AIF1L: variants seen among roughly 807,000 people sequenced by gnomAD.
The protein encoded by AIF1L is allograft inflammatory factor 1-like.
A neutral mutation model predicts 20.7 loss-of-function variants in AIF1L; 12 were observed. The observed-to-expected ratio is 0.58, with a 90% CI of 0.37 to 0.94. The LOEUF is 0.94. Ranked by LOEUF, AIF1L falls within the 40% of genes least tolerant of loss-of-function variation. AIF1L has a pLI of 0.01. For synonymous variants in AIF1L, 76 were observed against 65.1 expected (o/e 1.17, Z -0.81); for missense variants, 173 against 185.3 (o/e 0.93, Z 0.39).
At chr9:131,118,896 A>T (rs908849154) in intron 5 of AIF1L, among the ~76,000 whole-genome samples, 1 of 152,206 alleles carries the variant, frequency 6.6e-6, no homozygotes, top group African/African-American at 2.4e-5. Context: ...GCTTGTAAGC[A>T]TAAAATAGAG....
At chr9:131,111,482 G>A in intron 2 of AIF1L, 115 bp from the exon 3 acceptor site, 1 of 888,630 alleles carries the variant, frequency 1.1e-6, no homozygotes, top group African/African-American at 1.7e-5. Context: ...GGGACAAACT[G>A]GGTCTGGTCG....
intron 5 of AIF1L, among the ~76,000 whole-genome samples, chr9:131,119,174 C>T (rs1406708510): frequency 6.6e-6 from 1 of 151,766 alleles, no homozygotes; most frequent in Non-Finnish European, 1.5e-5. Flanking sequence ...CAGCATTGCC[C>T]CAGGGCAGTC....
In AIF1L at chr9:131,116,418, C is replaced by T. The variant is rs148686113; in HGVS notation, c.203-1338C>T. The stretch of plus-strand genomic sequence containing the variant: ...AGCTGAGATTACAGGCACGCACCAC[C>T]ACGCCCGGCTAATTTTCGTATTTTT... On this transcript the variant is annotated intron_variant, in intron 4 of 5. Coordinates refer to ENST00000247291, the MANE Select transcript of AIF1L (RefSeq NM_031426.4). Among the ~76,000 whole-genome samples the T allele has an allele frequency of 8.8e-3, 1,342 of 152,232 alleles. 16 individuals carry two copies. Among genetic ancestry groups the T allele is most frequent in the African/African-American group, 0.03 (1,257 of 41,510 alleles).
intron 2 of AIF1L, among the ~76,000 whole-genome samples, chr9:131,100,239 A>G (rs1830607902): frequency 6.6e-6 from 1 of 152,184 alleles, no homozygotes; most frequent in Admixed American, 6.5e-5. Context: ...ATTCAAGAGT[A>G]AAAATAGGAG....
chr9:131,101,373 G>A (rs989062203), intron 2 of AIF1L, among the ~76,000 whole-genome samples: 1 of 152,040 alleles, frequency 6.6e-6, no homozygotes, highest in Non-Finnish European at 1.5e-5. Context: ...TTGAGACAGG[G>A]TCTCACTGGG....
At chr9:131,106,864 G>A (rs2133385122) in intron 2 of AIF1L, among the ~76,000 whole-genome samples, 1 of 152,318 alleles carries the variant, frequency 6.6e-6, no homozygotes, top group African/African-American at 2.4e-5. Context: ...GGGAGGCCGA[G>A]GCAGTCGGAT....
rs1831145898 is a variant in AIF1L at position 131,121,889 on chromosome 9, C to T, written c.*1567C>T. 1 of 152,234 alleles carries T rather than the reference C, an allele frequency of 6.6e-6. No individual in the cohort carries two copies. The highest frequency in any genetic ancestry group is 2.1e-4 in the South Asian group (1 of 4,832). The allele number at this position is 152,234 out of a possible 1,614,324, so 9.4% of individuals were successfully genotyped here. On this transcript the variant is annotated 3_prime_UTR_variant, in exon 6 of 6. Coordinates refer to ENST00000247291, the MANE Select transcript of AIF1L (RefSeq NM_031426.4). ...GCTGATCAGGGTGTTCAGCCTTAAC[C>T]CCACCTGTGTTCTGAAGTCTCTTAC... is the stretch of plus-strand genomic sequence containing the variant.
chr9:131,106,207 C>T (rs1208257699), intron 2 of AIF1L: 9 of 1,535,660 alleles, frequency 5.9e-6, no homozygotes, highest in Admixed American at 2.0e-5. Context: ...GGGAGGGAGC[C>T]GCAGCTACAG....
intron 2 of AIF1L, among the ~76,000 whole-genome samples, chr9:131,103,582 T>C (rs1348445966): frequency 6.6e-6 from 1 of 152,224 alleles, no homozygotes; most frequent in Non-Finnish European, 1.5e-5. Context: ...AGGTTGAGGC[T>C]GCAGTGATCC....
chr9:131,102,778 G>C (rs1192483495), intron 2 of AIF1L: 1 of 402,330 alleles, frequency 2.5e-6, no homozygotes, highest in Non-Finnish European at 5.0e-6. Context: ...GCCTGGCCCT[G>C]GCCCTTTAAG....
At chr9:131,110,789 C>T (rs979692247) in intron 2 of AIF1L, among the ~76,000 whole-genome samples, 4 of 151,860 alleles carry the variant, frequency 2.6e-5, no homozygotes, top group South Asian at 2.1e-4. Context: ...AGGCGTGAAC[C>T]GCCGCACCTG....
intron 2 of AIF1L, among the ~76,000 whole-genome samples, chr9:131,110,783 G>A (rs867914803): frequency 6.6e-6 from 1 of 151,906 alleles, no homozygotes; most frequent in Admixed American, 6.6e-5. Context: ...GATTACAGGC[G>A]TGAACCGCCG....
intron 2 of AIF1L, among the ~76,000 whole-genome samples, chr9:131,103,158 C>T (rs1002334552): frequency 3.3e-5 from 5 of 152,126 alleles, no homozygotes; most frequent in African/African-American, 9.7e-5. Flanking sequence ...GGGACTCTGG[C>T]GAGCATCAGA....
At chr9:131,106,765 GGCC>G (rs1376762393) in intron 2 of AIF1L, among the ~76,000 whole-genome samples, 1 of 89,678 alleles carries the variant, frequency 1.1e-5, no homozygotes, top group Non-Finnish European at 2.2e-5. Flanking sequence ...AAATAGGGTC[GGCC>G]GCATTGAGAA....
At chr9:131,116,425 G>T (rs898968037) in intron 4 of AIF1L, among the ~76,000 whole-genome samples, 3 of 152,022 alleles carry the variant, frequency 2.0e-5, no homozygotes, top group Admixed American at 1.3e-4. Flanking sequence ...CACCACGCCC[G>T]GCTAATTTTC....
At position 131,117,746 on chromosome 9, in the gene AIF1L, C is replaced by T. The variant is rs1430910462; in HGVS notation, c.203-10C>T. 1.2e-6 allele frequency: 2 copies of T among 1,600,182 alleles called. No individual in the cohort carries two copies. Among genetic ancestry groups the T allele is most frequent in the East Asian group, 2.2e-5 (1 of 44,652 alleles). ...ATCTCCACTTAACAGATCTGCTTTT[C>T]CCCCGGCAGACCTGATGTCTTTAAA... On this transcript the variant is annotated splice_polypyrimidine_tract_variant and intron_variant, in intron 4 of 5. Coordinates refer to ENST00000247291, the MANE Select transcript of AIF1L (RefSeq NM_031426.4).
rs1240866305 is a variant in AIF1L at position 131,121,367 on chromosome 9, G to A, written c.*1045G>A. 3 of 462,272 alleles carry A rather than the reference G, an allele frequency of 6.5e-6. No individual in the cohort carries two copies. Among genetic ancestry groups the A allele is most frequent in the South Asian group, 7.7e-5 (2 of 26,076 alleles). The allele number at this position is 462,272 out of a possible 1,614,324, so 28.6% of individuals were successfully genotyped here. On this transcript the variant is annotated 3_prime_UTR_variant, in exon 6 of 6. Transcript: ENST00000247291. ...CTCCCATGTTGTCCTGGCATGTGCA[G>A]TATACACGGTCTAACTCATCTCTCC...
rs1831116131 is a variant in AIF1L at position 131,120,635 on chromosome 9, C to T, written c.*313C>T. 1.2e-5 allele frequency: 4 copies of T among 339,034 alleles called. No homozygotes were observed. The highest frequency in any genetic ancestry group is 2.1e-5 in the Non-Finnish European group (4 of 187,378). 21.0% of individuals were successfully genotyped at this position (339,034 alleles called of 1,614,324 possible). On this transcript the variant is annotated 3_prime_UTR_variant, in exon 6 of 6. Coordinates refer to ENST00000247291, the MANE Select transcript of AIF1L (RefSeq NM_031426.4). ...GGAGGCTTCCAGCCTGTGTTCCCCTCACTTGGAGGAACCAGCACTCTCCAT... is the reference window on the plus strand; with the variant it reads ...GGAGGCTTCCAGCCTGTGTTCCCCTTACTTGGAGGAACCAGCACTCTCCAT...
intron 2 of AIF1L, 25 bp downstream of exon 2, chr9:131,096,888 C>T (rs1320297419): frequency 2.0e-6 from 3 of 1,517,228 alleles, no homozygotes. Flanking sequence ...CAGGGCAGCA[C>T]GCGAGTCCCG....
Sources: allele counts gnomAD v4.1 joint callset (sites outside exome capture counted in the v4.1 genomes callset), GRCh38; gene constraint gnomAD v4.1.1; transcripts MANE v1.5; gene names NCBI Gene and HGNC (gene_info 2026-07-23, HGNC 2026-07-21).